GRAMD2A: variants seen among roughly 807,000 people sequenced by gnomAD.
GRAMD2A encodes the protein GRAM domain containing 2A.
GRAMD2A carries 37 observed loss-of-function variants against 51.1 expected under a neutral mutation model. The observed-to-expected ratio is 0.72, with a 90% confidence interval of 0.56 to 0.95. The LOEUF (loss-of-function observed/expected upper bound fraction) is 0.95. Among genes scored for constraint, GRAMD2A ranks in the 40% least tolerant of loss-of-function variants. GRAMD2A has a pLI of 0.00. For synonymous variants in GRAMD2A, 136 were observed against 157.1 expected (o/e 0.87, Z 1.01); for missense variants, 414 against 426.9 (o/e 0.97, Z 0.27).
intron 8 of GRAMD2A, 75 bp downstream of exon 8, chr15:72,165,279 C>A: frequency 1.4e-6 from 2 of 1,383,352 alleles, no homozygotes; most frequent in East Asian, 4.6e-5. Flanking sequence ...TGTGGGCCCC[C>A]CTAGGAGGCC....
intron 1 of GRAMD2A, among the ~76,000 whole-genome samples, chr15:72,171,385 A>AC (rs1172045333): frequency 1.3e-5 from 2 of 152,152 alleles, no homozygotes; most frequent in Non-Finnish European, 2.9e-5. Context: ...CCAAATAAAA[A>AC]ATGTATGATA....
chr15:72,164,026 G>A (rs766210235), intron 8 of GRAMD2A, among the ~76,000 whole-genome samples: 2 of 152,028 alleles, frequency 1.3e-5, no homozygotes, highest in African/African-American at 4.8e-5. Flanking sequence ...TCTTAGATGT[G>A]AGCCAACCCA....
chr15:72,174,567 T>C (rs1356352761), intron 1 of GRAMD2A, among the ~76,000 whole-genome samples: 1 of 152,084 alleles, frequency 6.6e-6, no homozygotes, highest in Non-Finnish European at 1.5e-5. Flanking sequence ...GTGGCAGTGT[T>C]TTGACATTAA....
intron 1 of GRAMD2A, among the ~76,000 whole-genome samples, chr15:72,177,940 C>G (rs1207813992): frequency 2.6e-5 from 4 of 152,298 alleles, no homozygotes; most frequent in Non-Finnish European, 2.9e-5. Flanking sequence ...GTTGGCCAGG[C>G]TGGTCTTGAA....
chr15:72,186,335 T>G (rs1166324022), intron 1 of GRAMD2A, among the ~76,000 whole-genome samples: 1 of 151,486 alleles, frequency 6.6e-6, no homozygotes, highest in Non-Finnish European at 1.5e-5. Context: ...TTAATTTTTT[T>G]TTTTTTTGAG....
chr15:72,195,310 G>A (rs956948921), intron 1 of GRAMD2A, among the ~76,000 whole-genome samples: 3 of 152,184 alleles, frequency 2.0e-5, no homozygotes, highest in Admixed American at 6.5e-5. Context: ...GTCCCAAGTC[G>A]CAGCAAAACA....
intron 2 of GRAMD2A, chr15:72,169,200 G>A (rs930669804): frequency 8.3e-6 from 5 of 602,122 alleles, no homozygotes; most frequent in South Asian, 5.7e-5. Flanking sequence ...AGGGCACTGC[G>A]GGAGGTAGAG....
intron 1 of GRAMD2A, among the ~76,000 whole-genome samples, chr15:72,175,045 G>A (rs2081642671): frequency 1.3e-5 from 2 of 151,672 alleles, no homozygotes; most frequent in East Asian, 1.9e-4. Context: ...TCTCAGTAGC[G>A]GCCCCCCAAA....
At position 72,160,012 on chromosome 15, in the gene GRAMD2A, GAGAAAC is replaced by G. The variant is rs1244159712; in HGVS notation, c.*1991_*1996del. 3.9e-5 allele frequency: 6 copies of G among 152,374 alleles called. No homozygotes were observed. In the East Asian group the frequency reaches 7.7e-4, roughly 20 times the overall value. The allele number at this position is 152,374 out of a possible 1,614,324, so 9.4% of individuals were successfully genotyped here. A position where few individuals can be genotyped will look rare whatever the true frequency, so the allele number is the denominator to read the frequency against. On this transcript the variant is annotated 3_prime_UTR_variant, in exon 12 of 12. Coordinates refer to ENST00000309731, the MANE Select transcript of GRAMD2A (RefSeq NM_001012642.3). Reference sequence around the variant, plus strand: ...GAGGACCAGGCAGGGGGACAACAGAGAGAAACAGAGCACTATCTGGAGGGACAGGCA... The same window carrying G: ...GAGGACCAGGCAGGGGGACAACAGAGAGAGCACTATCTGGAGGGACAGGCA...
rs948431568 is a variant in GRAMD2A at position 72,170,998 on chromosome 15, C to T, written c.42-1059G>A. 2.0e-5 allele frequency among the ~76,000 whole-genome samples: 3 copies of T among 152,182 alleles called. No individual in the cohort carries two copies. The highest frequency in any genetic ancestry group is 4.4e-5 in the Non-Finnish European group (3 of 68,032). ...CAGGACCCTCAGAGATTGATTCAGC[C>T]TCACCCGCTCCCACCATACCATTGT... On this transcript the variant is annotated intron_variant, in intron 1 of 11. Transcript: ENST00000309731. The surrounding 1 kb of genome is among the most constrained non-coding windows in gnomAD (Gnocchi z 4.5).
At position 72,166,820 on chromosome 15, in the gene GRAMD2A, A is replaced by G; in HGVS notation, c.472-117T>C. 1 of 1,004,434 alleles carries G rather than the reference A, an allele frequency of 1.0e-6. No individual in the cohort carries two copies. The highest frequency in any genetic ancestry group is 1.6e-6 in the Non-Finnish European group (1 of 643,224). The allele number at this position is 1,004,434 out of a possible 1,614,324, so 62.2% of individuals were successfully genotyped here. On this transcript the variant is annotated intron_variant, in intron 6 of 11. Coordinates refer to ENST00000309731, the MANE Select transcript of GRAMD2A (RefSeq NM_001012642.3). The surrounding 1 kb of genome is among the most constrained non-coding windows in gnomAD (Gnocchi z 4.1). The stretch of plus-strand genomic sequence containing the variant: ...CAGGGGTATCAGGCCATGAGAGCCA[A>G]CAGAAGCTCTGCCTAGGAACTTCTC...
At chr15:72,174,518 A>T (rs1357806024) in intron 1 of GRAMD2A, among the ~76,000 whole-genome samples, 1 of 152,158 alleles carries the variant, frequency 6.6e-6, no homozygotes, top group Admixed American at 6.5e-5. Flanking sequence ...GCCATAAAAA[A>T]CTACCTAATT....
At chr15:72,187,748 A>C (rs943688841) in intron 1 of GRAMD2A, among the ~76,000 whole-genome samples, 1 of 152,182 alleles carries the variant, frequency 6.6e-6, no homozygotes, top group Non-Finnish European at 1.5e-5. Flanking sequence ...TCCTGGGCTC[A>C]AGTGATCTGC....
chr15:72,166,694 C>T lies in GRAMD2A; in HGVS notation c.481G>A (p.Val161Met), dbSNP rs369970839. The change falls in exon 7 of 12, where the codon GTG (valine) becomes ATG (methionine). Residue 161 changes from valine (V) to methionine (M), a missense_variant. Transcript: ENST00000309731. This position sits in a 1 kb window ranked among gnomAD's most constrained non-coding sequence, Gnocchi z 4.1. ...TTNTSQKYIF[V>M]SLLSRDSVYD... The stretch of plus-strand genomic sequence containing the variant: ...ACACTGTCCCGGGAGAGCAGTGACA[C>T]AAAGATATACTGGGACATGGAAAGA... 3.8e-5 allele frequency: 61 copies of T among 1,612,992 alleles called. No individual in the cohort carries two copies. The highest frequency in any genetic ancestry group is 4.8e-5 in the Non-Finnish European group (57 of 1,179,562).
intron 1 of GRAMD2A, among the ~76,000 whole-genome samples, chr15:72,178,731 C>T (rs951438697): frequency 1.3e-5 from 2 of 151,774 alleles, no homozygotes; most frequent in East Asian, 1.9e-4. Flanking sequence ...CCCGCCACCA[C>T]GCCCGGCTAA....
chr15:72,178,879 G>A (rs900035540), intron 1 of GRAMD2A, among the ~76,000 whole-genome samples: 38 of 152,216 alleles, frequency 2.5e-4, no homozygotes, highest in African/African-American at 8.9e-4. Context: ...CGGCTGTCTT[G>A]CACTTTCATA....
At chr15:72,169,794 G>A (rs540629875) in intron 2 of GRAMD2A, 53 bp downstream of exon 2, 1 of 1,451,758 alleles carries the variant, frequency 6.9e-7, no homozygotes, top group East Asian at 2.3e-5. Context: ...ACTTCCTGAG[G>A]GCTTCCCACC....
intron 1 of GRAMD2A, among the ~76,000 whole-genome samples, chr15:72,192,575 T>C (rs1449820057): frequency 6.6e-6 from 1 of 152,236 alleles, no homozygotes; most frequent in Non-Finnish European, 1.5e-5. Context: ...TCAGGCATAC[T>C]GCCCACGCTG....
chr15:72,178,760 G>A (rs973704345), intron 1 of GRAMD2A, among the ~76,000 whole-genome samples: 2 of 151,768 alleles, frequency 1.3e-5, no homozygotes, highest in African/African-American at 4.8e-5. Flanking sequence ...ATTTTTAGTA[G>A]AGAAGGGGTT....
Sources: gnomAD v4.1 joint callset for allele counts (sites outside exome capture counted in the v4.1 genomes callset) on GRCh38, gnomAD v4.1.1 for gene constraint, Gnocchi (gnomAD v3.1) non-coding constraint, MANE v1.5 for transcripts, NCBI Gene and HGNC (gene_info 2026-07-23, HGNC 2026-07-21) for gene names.